DDAH1: variants seen among roughly 807,000 people sequenced by gnomAD.
DDAH1 encodes dimethylarginine dimethylaminohydrolase 1.
In DDAH1, 19 loss-of-function variants were observed where a neutral mutation model predicts 28.8. The ratio of observed to expected loss-of-function variants is 0.66; its 90% CI spans 0.46 to 0.97. The LOEUF is 0.97. Ranked by LOEUF, DDAH1 falls within the 50% of genes least tolerant of loss-of-function variation. The probability of loss-of-function intolerance (pLI) is 0.00; values close to 1 mark genes in which losing one functional copy is unlikely to be tolerated. For synonymous variants in DDAH1, 153 were observed against 154.4 expected, an observed-to-expected ratio of 0.99 and a Z score of 0.07; for missense variants, 326 against 375.9, an observed-to-expected ratio of 0.87 and a Z score of 1.10.
upstream of DDAH1, among the ~76,000 whole-genome samples, chr1:85,468,978 T>TG (rs1410852810): frequency 6.6e-6 from 1 of 152,120 alleles, no homozygotes; most frequent in African/African-American, 2.4e-5. Flanking sequence ...GAGATTTGGG[T>TG]GGGGACACAG....
intron 1 of DDAH1, among the ~76,000 whole-genome samples, chr1:85,416,076 T>G (rs56215900): frequency 0.12 from 18,077 of 152,140 alleles, 1,147 homozygotes; most frequent in East Asian, 0.24. Flanking sequence ...TTAATACTGA[T>G]GCTCATACTT....
At chr1:85,415,205 A>C (rs532348343) in intron 1 of DDAH1, among the ~76,000 whole-genome samples, 1 of 151,946 alleles carries the variant, frequency 6.6e-6, no homozygotes, top group African/African-American at 2.4e-5. Context: ...TAGTAGAGAC[A>C]GGGTTTCACT....
intron 1 of DDAH1, among the ~76,000 whole-genome samples, chr1:85,574,022 A>T (rs1315678147): frequency 6.6e-6 from 1 of 152,236 alleles, no homozygotes; most frequent in Non-Finnish European, 1.5e-5. Flanking sequence ...ATGGCATTTT[A>T]ACATTGTAAT....
At chr1:85,475,359 T>C (rs1655761018) in intron 2 of DDAH1, among the ~76,000 whole-genome samples, 1 of 152,182 alleles carries the variant, frequency 6.6e-6, no homozygotes, top group African/African-American at 2.4e-5. Flanking sequence ...AAGAAGAAGA[T>C]ATGCAAAGCA....
At chr1:85,524,105 A>G (rs1237063798) in intron 1 of DDAH1, among the ~76,000 whole-genome samples, 2 of 152,020 alleles carry the variant, frequency 1.3e-5, no homozygotes, top group African/African-American at 4.8e-5. Flanking sequence ...ACTGCTGGGA[A>G]AAAAAAACGA....
intron 2 of DDAH1, among the ~76,000 whole-genome samples, chr1:85,488,880 G>C (rs1010772904): frequency 3.9e-5 from 6 of 152,170 alleles, no homozygotes; most frequent in Non-Finnish European, 7.3e-5. Context: ...ATATTCATTA[G>C]CATGTCATTA....
intron 1 of DDAH1, among the ~76,000 whole-genome samples, chr1:85,442,835 A>G (rs1654263702): frequency 6.6e-6 from 1 of 152,190 alleles, no homozygotes; most frequent in Non-Finnish European, 1.5e-5. Flanking sequence ...TTCTTTTGAG[A>G]AGAATCTGCT....
intron 4 of DDAH1, among the ~76,000 whole-genome samples, chr1:85,339,675 G>A (rs1367088471): frequency 6.6e-6 from 1 of 152,110 alleles, no homozygotes; most frequent in Non-Finnish European, 1.5e-5. Flanking sequence ...TTTCCCCGGA[G>A]GCTGCAGAAT....
intron 1 of DDAH1, among the ~76,000 whole-genome samples, chr1:85,558,983 G>C (rs1003871144): frequency 6.6e-6 from 1 of 152,074 alleles, no homozygotes; most frequent in Non-Finnish European, 1.5e-5. Context: ...ATACTAACAA[G>C]GTTATTATGA....
rs1331222588 is a variant in DDAH1, at chr1:85,574,800, C to G, written c.-123+3184G>C. 2.6e-5 allele frequency among the ~76,000 whole-genome samples: 4 copies of G among 152,258 alleles called. No homozygotes were observed. The East Asian group carries it at 7.7e-4, about 29-fold the overall frequency. On this transcript the variant is annotated intron_variant, in intron 1 of 6. Coordinates refer to the DDAH1 transcript ENST00000426972. ...ATGGCTCATGCCTGTAATCCCAGCA[C>G]TTTGGGAGGCCGAGGCGGGTGGATC...
chr1:85,528,480 T>G (rs481582), intron 1 of DDAH1, among the ~76,000 whole-genome samples: 129,006 of 149,302 alleles, frequency 0.86, 55,908 homozygotes, highest in Middle Eastern at 0.9. Flanking sequence ...AAATAAAAGG[T>G]TGCTAATAAA....
At chr1:85,545,757 T>C (rs1369997399) in intron 1 of DDAH1, among the ~76,000 whole-genome samples, 2 of 151,978 alleles carry the variant, frequency 1.3e-5, no homozygotes, top group Non-Finnish European at 2.9e-5. Context: ...GCAGAAATGG[T>C]GGAGAAGGTG....
intron 1 of DDAH1, among the ~76,000 whole-genome samples, chr1:85,403,808 T>A (rs927244001): frequency 6.6e-6 from 1 of 152,234 alleles, no homozygotes; most frequent in African/African-American, 2.4e-5. Flanking sequence ...TTAACATAGT[T>A]GTTAAAATAA....
chr1:85,466,734 T>G (rs1366244184), upstream of DDAH1, among the ~76,000 whole-genome samples: 1 of 152,110 alleles, frequency 6.6e-6, no homozygotes, highest in Non-Finnish European at 1.5e-5. Context: ...AGATGGAGGA[T>G]TTCCATCAAA....
upstream of DDAH1, among the ~76,000 whole-genome samples, chr1:85,468,068 A>G (rs1402218995): frequency 1.3e-5 from 2 of 152,212 alleles, no homozygotes; most frequent in Non-Finnish European, 2.9e-5. Flanking sequence ...TGAAGGAGAG[A>G]ATGAGAATTC....
intron 4 of DDAH1, among the ~76,000 whole-genome samples, chr1:85,337,217 T>A (rs1401037889): frequency 6.6e-6 from 1 of 152,238 alleles, no homozygotes; most frequent in Non-Finnish European, 1.5e-5. Flanking sequence ...TATTTTGCTG[T>A]ACTTAGGTGT....
At position 85,405,970 on chromosome 1, in the gene DDAH1, C is replaced by T. The variant is rs540467134; in HGVS notation, c.304-47123G>A. Among the ~76,000 whole-genome samples the T allele has an allele frequency of 2.0e-4, 30 of 152,318 alleles. No individual in the cohort carries two copies. In the South Asian group the frequency reaches 5.6e-3, roughly 28 times the overall value. On this transcript the variant is annotated intron_variant, in intron 1 of 5. Coordinates refer to ENST00000284031, the MANE Select transcript of DDAH1 (RefSeq NM_012137.4). ...TTTAAGAGCACACGGATATTAGCCT[C>T]CAACAGTTTTAAAGAAGCTAAGAAC...
intron 1 of DDAH1, among the ~76,000 whole-genome samples, chr1:85,560,718 G>T (rs1374767754): frequency 6.6e-6 from 1 of 151,856 alleles, no homozygotes; most frequent in Non-Finnish European, 1.5e-5. Context: ...AAAGAATAAG[G>T]CTTAAATCCT....
At chr1:85,450,034 G>T (rs1275856357) in intron 1 of DDAH1, among the ~76,000 whole-genome samples, 2 of 152,098 alleles carry the variant, frequency 1.3e-5, no homozygotes, top group Admixed American at 1.3e-4. Context: ...AGGTAACACC[G>T]GTCTCATCTA....
Sources: allele counts gnomAD v4.1 joint callset (sites outside exome capture counted in the v4.1 genomes callset), GRCh38; gene constraint gnomAD v4.1.1; transcripts MANE v1.5; gene names NCBI Gene and HGNC (gene_info 2026-07-23, HGNC 2026-07-21).